Variants in PFKFB3 observed in about 807,000 individuals in gnomAD.
The protein encoded by PFKFB3 is 6-phosphofructo-2-kinase/fructose-2,6-bisphosphatase 3.
PFKFB3 carries 33 observed loss-of-function variants against 68.0 expected under a neutral mutation model. The observed-to-expected ratio is 0.49, with a 90% CI of 0.37 to 0.65. PFKFB3 has a LOEUF of 0.65. PFKFB3 is among the 30% of genes least tolerant of loss of function. The pLI, the probability that PFKFB3 is intolerant of heterozygous loss-of-function variation, is 0.00. For synonymous variants in PFKFB3, 315 were observed against 288.2 expected (o/e 1.09, Z -0.94); for missense variants, 586 against 712.2 (o/e 0.82, Z 2.02).
At chr10:6,216,073 C>G in intron 3 of PFKFB3, 52 bp from the exon 4 acceptor site, 19 of 1,537,180 alleles carry the variant, frequency 1.2e-5, no homozygotes, top group Non-Finnish European at 1.7e-5. Flanking sequence ...GCTTGGGCTG[C>G]CCCAGCGGAT....
the PFKFB3 span, among the ~76,000 whole-genome samples, chr10:6,269,169 T>G: frequency 2.0e-5 from 3 of 152,066 alleles, no homozygotes; most frequent in Non-Finnish European, 4.4e-5. Flanking sequence ...CTTCCCTGAA[T>G]GGCGATTCTT....
intron 1 of PFKFB3, among the ~76,000 whole-genome samples, chr10:6,184,252 C>T (rs549695971): frequency 3.0e-4 from 45 of 151,816 alleles, no homozygotes; most frequent in African/African-American, 1.0e-3. Flanking sequence ...GGGGTTTCGC[C>T]ATGTTGTCCA....
chr10:6,203,018 C>T lies in PFKFB3; in HGVS notation c.-243C>T, dbSNP rs1843435650. 2 of 1,367,186 alleles carry T rather than the reference C, an allele frequency of 1.5e-6. No homozygotes were observed. The highest frequency in any genetic ancestry group is 9.4e-7 in the Non-Finnish European group (1 of 1,064,272). 84.7% of individuals were successfully genotyped at this position (1,367,186 alleles called of 1,614,324 possible). On this transcript the variant is annotated 5_prime_UTR_variant, in exon 1 of 15. Coordinates refer to ENST00000379775, the MANE Select transcript of PFKFB3 (RefSeq NM_004566.4). ...CCCGAGCATCCCAGAGCTTTCCGAGCGGACGAGCCGGCCGTGCCGGGCATC... is the reference window on the plus strand; with the variant it reads ...CCCGAGCATCCCAGAGCTTTCCGAGTGGACGAGCCGGCCGTGCCGGGCATC...
At chr10:6,211,256 C>G (rs72777866) in intron 1 of PFKFB3, among the ~76,000 whole-genome samples, 5,272 of 152,302 alleles carry the variant, frequency 0.035, 194 homozygotes, top group East Asian at 0.17. Context: ...TGCCAGAGGA[C>G]ATTTGTTCCT....
chr10:6,203,562 C>T (rs1241884145), intron 1 of PFKFB3, among the ~76,000 whole-genome samples: 2 of 151,538 alleles, frequency 1.3e-5, no homozygotes, highest in East Asian at 2.0e-4. Context: ...CGAGTGCGCC[C>T]GGCCGGGCTG....
upstream of PFKFB3, among the ~76,000 whole-genome samples, chr10:6,202,063 T>C (rs1843380610): frequency 6.6e-6 from 1 of 152,216 alleles, no homozygotes; most frequent in Non-Finnish European, 1.5e-5. Flanking sequence ...AGGTAATGAA[T>C]TGCAGATCGA....
chr10:6,165,228 A>T (rs1286154480), intron 1 of PFKFB3, among the ~76,000 whole-genome samples: 4 of 152,006 alleles, frequency 2.6e-5, no homozygotes, highest in African/African-American at 9.7e-5. Context: ...TACCAAGCAT[A>T]CTGCCTGCAA....
chr10:6,242,977 T>C (rs1413025945), intron 14 of PFKFB3, among the ~76,000 whole-genome samples: 2 of 152,240 alleles, frequency 1.3e-5, no homozygotes, highest in African/African-American at 2.4e-5. Flanking sequence ...AGTGAGGCTT[T>C]TATAATATGA....
chr10:6,297,932 C>G, the PFKFB3 span, among the ~76,000 whole-genome samples: 2 of 152,134 alleles, frequency 1.3e-5, no homozygotes, highest in African/African-American at 4.8e-5. Context: ...GGGTATCAGT[C>G]TGTTCATCTG....
chr10:6,319,735 C>A, the PFKFB3 span, among the ~76,000 whole-genome samples: 2 of 151,726 alleles, frequency 1.3e-5, no homozygotes, highest in Non-Finnish European at 1.5e-5. Flanking sequence ...GACAAAAATT[C>A]TTGTTCTAAT....
chr10:6,287,070 G>T, the PFKFB3 span, among the ~76,000 whole-genome samples: 1 of 152,026 alleles, frequency 6.6e-6, no homozygotes, highest in African/African-American at 2.4e-5. Flanking sequence ...TTCCATAAGA[G>T]ATTATAATAC....
chr10:6,213,884 C>A, intron 2 of PFKFB3, 136 bp downstream of exon 2: 1 of 857,320 alleles, frequency 1.2e-6, no homozygotes. Context: ...GCCTCCCATG[C>A]AGCTGGGTCC....
chr10:6,286,696 G>A, the PFKFB3 span, among the ~76,000 whole-genome samples: 1 of 152,108 alleles, frequency 6.6e-6, no homozygotes, highest in East Asian at 1.9e-4. Context: ...CTTTTAACTG[G>A]TGTATTTAGA....
chr10:6,168,212 G>A (rs1329225106), intron 1 of PFKFB3, among the ~76,000 whole-genome samples: 1 of 152,202 alleles, frequency 6.6e-6, no homozygotes, highest in East Asian at 1.9e-4. Context: ...AAGATCATGA[G>A]GTAGTGAGTC....
At chr10:6,219,379 A>C in intron 6 of PFKFB3, 190 bp from the exon 7 acceptor site, 1 of 569,686 alleles carries the variant, frequency 1.8e-6, no homozygotes, top group Non-Finnish European at 3.1e-6. Flanking sequence ...TCCCCAGGGA[A>C]TCCTCCCCAT....
chr10:6,147,110 C>T (rs1429231912), intron 1 of PFKFB3, among the ~76,000 whole-genome samples: 5 of 152,140 alleles, frequency 3.3e-5, no homozygotes, highest in Admixed American at 6.5e-5. Flanking sequence ...AGCCAGGCCG[C>T]GGCTGGGTTT....
At chr10:6,225,609 G>T (rs1232326227) in intron 13 of PFKFB3, among the ~76,000 whole-genome samples, 1 of 152,242 alleles carries the variant, frequency 6.6e-6, no homozygotes, top group African/African-American at 2.4e-5. Context: ...TCATGGGAGG[G>T]CTGTGTCTGG....
intron 6 of PFKFB3, among the ~76,000 whole-genome samples, chr10:6,219,223 G>A (rs916171618): frequency 6.6e-5 from 10 of 152,360 alleles, no homozygotes; most frequent in African/African-American, 2.2e-4. Flanking sequence ...GGATCCTCAC[G>A]TGGAGCTCGG....
the PFKFB3 span, among the ~76,000 whole-genome samples, chr10:6,311,291 C>T: frequency 6.6e-6 from 1 of 152,196 alleles, no homozygotes; most frequent in South Asian, 2.1e-4. Context: ...TCCCCTATCT[C>T]CCTGCATGGG....
Sources: gnomAD v4.1 joint callset for allele counts (sites outside exome capture counted in the v4.1 genomes callset) on GRCh38, gnomAD v4.1.1 for gene constraint, MANE v1.5 for transcripts, NCBI Gene and HGNC (gene_info 2026-07-23, HGNC 2026-07-21) for gene names.